DPYSL2: variants seen among roughly 807,000 people sequenced by gnomAD.
The protein encoded by DPYSL2 is dihydropyrimidinase like 2, also known as dihydropyrimidinase-related protein 2.
In DPYSL2, 13 loss-of-function variants were observed where a neutral mutation model predicts 69.9. The observed-to-expected ratio is 0.19, with a 90% CI of 0.12 to 0.30. The LOEUF (loss-of-function observed/expected upper bound fraction) is 0.30, where lower values mean the gene tolerates loss of function less well. Ranked by LOEUF, DPYSL2 falls within the 10% of genes least tolerant of loss-of-function variation. The pLI, the probability that DPYSL2 is intolerant of heterozygous loss-of-function variation, is 1.00. For missense variants in DPYSL2, 587 were observed against 918.9 expected, an observed-to-expected ratio of 0.64 and a Z score of 4.67; for synonymous variants, 326 against 359.1, an observed-to-expected ratio of 0.91 and a Z score of 1.04.
At chr8:26,615,482 T>C (rs1391159674) in intron 3 of DPYSL2, among the ~76,000 whole-genome samples, 2 of 152,074 alleles carry the variant, frequency 1.3e-5, no homozygotes, top group African/African-American at 2.4e-5. Context: ...GGGACTTCAG[T>C]GTCCAGTGGA....
Position 26,643,465 on chromosome 8 carries a change from A to G in DPYSL2, c.1153A>G (p.Thr385Ala), listed in dbSNP as rs747717094. 5 of 1,605,762 alleles carry G rather than the reference A, an allele frequency of 3.1e-6. No homozygotes were observed. Among genetic ancestry groups the G allele is most frequent in the Non-Finnish European group, 3.4e-6 (4 of 1,175,864 alleles). ...AACTGTGGTGTATGGCGAGCCCATC[A>G]CTGCCAGCTTGGGAACGGACGGCTC... is the stretch of plus-strand genomic sequence containing the variant. ...KGTVVYGEPI[T>A]ASLGTDGSHY... is the part of the protein sequence containing the mutation. Residue 385 changes from threonine to alanine, a missense_variant, in exon 9 of 14, where the codon ACT becomes GCT. By Grantham distance (58) the Thr-to-Ala change is moderately conservative (BLOSUM62 0). Coordinates refer to ENST00000521913, the MANE Select transcript of DPYSL2 (RefSeq NM_001197293.3). This position sits in a 1 kb window ranked among gnomAD's most constrained non-coding sequence, Gnocchi z 6.5.
In DPYSL2 at chr8:26,569,364, ACAAAAACAAAAACAAAAAAAAAC is replaced by A. The variant is rs1214379905; in HGVS notation, c.355-12600_355-12578del. On this transcript the variant is annotated intron_variant, in intron 1 of 13. Coordinates refer to ENST00000521913, the MANE Select transcript of DPYSL2 (RefSeq NM_001197293.3). ...GCAAGACCCTATCTCCAAAAAAAAA[ACAAAAACAAAAACAAAAAAAAAC>A]CAAAGAAAAACCCAAAGCCTGGGAT... is the stretch of plus-strand genomic sequence containing the variant. Among the ~76,000 whole-genome samples, 49 of 113,240 alleles carry A rather than the reference ACAAAAACAAAAACAAAAAAAAAC, an allele frequency of 4.3e-4. 2 individuals carry two copies. The highest frequency in any genetic ancestry group is 1.4e-3 in the African/African-American group (47 of 34,688). The allele number at this position is 113,240 out of a possible 152,430, so 74.3% of individuals were successfully genotyped here.
chr8:26,578,157 G>C lies in DPYSL2; in HGVS notation c.355-3812G>C, dbSNP rs887558090. On this transcript the variant is annotated intron_variant, in intron 1 of 13. Coordinates refer to ENST00000521913, the MANE Select transcript of DPYSL2 (RefSeq NM_001197293.3). ...TTGCACCCTTTTCAATCTTGCAAAG[G>C]AAAAAAACAAAACAAAACAAAAAAA... is the stretch of plus-strand genomic sequence containing the variant. 24 of 1,598,838 alleles carry C rather than the reference G, an allele frequency of 1.5e-5. No homozygotes were observed. The African/African-American group carries it at 2.8e-4, about 19-fold the overall frequency.
At position 26,514,720 on chromosome 8, in the gene DPYSL2, C is replaced by G; in HGVS notation, c.354+41C>G. The G allele has an allele frequency of 8.4e-4, 409 of 484,526 alleles. No homozygotes were observed. Among genetic ancestry groups the G allele is most frequent in the Non-Finnish European group, 1.1e-3 (350 of 324,066 alleles). 30.0% of individuals were successfully genotyped at this position (484,526 alleles called of 1,614,324 possible). A position where few individuals can be genotyped will look rare whatever the true frequency, so the allele number is the denominator to read the frequency against. ...GGGGGTGGAGACGGAGGACGGGGCG[C>G]GGGGATCGCCCCTCCCTCGCCCCTG... On this transcript the variant is annotated intron_variant, in intron 1 of 13. Coordinates refer to ENST00000521913, the MANE Select transcript of DPYSL2 (RefSeq NM_001197293.3). The surrounding 1 kb of genome is among the most constrained non-coding windows in gnomAD (Gnocchi z 8.4).
chr8:26,520,455 A>C (rs1426779647), intron 1 of DPYSL2, among the ~76,000 whole-genome samples: 1 of 143,078 alleles, frequency 7.0e-6, no homozygotes, highest in Non-Finnish European at 1.5e-5. Context: ...GTATTCTTGC[A>C]AAAAAGTTCT....
At chr8:26,616,266 A>G (rs1319430122) in intron 3 of DPYSL2, among the ~76,000 whole-genome samples, 1 of 151,856 alleles carries the variant, frequency 6.6e-6, no homozygotes, top group Non-Finnish European at 1.5e-5. Context: ...CCTTTTTTTC[A>G]GAGCAAAACC....
intron 3 of DPYSL2, among the ~76,000 whole-genome samples, chr8:26,613,203 C>G (rs900010898): frequency 1.3e-5 from 2 of 152,206 alleles, no homozygotes; most frequent in African/African-American, 4.8e-5. Context: ...CAAGATACAT[C>G]TGCGACATCA....
Position 26,640,225 on chromosome 8 carries a change from T to G in DPYSL2, c.1127-3214T>G, listed in dbSNP as rs1803010042. 6.6e-6 allele frequency among the ~76,000 whole-genome samples: 1 copy of G among 152,232 alleles called. No individual in the cohort carries two copies. Among genetic ancestry groups the G allele is most frequent in the African/African-American group, 2.4e-5 (1 of 41,460 alleles). Reference sequence around the variant, plus strand: ...CAGCCTTCCATTTATTCTTCATGAATGCACACGGGCCCCAGACTGGTTGTA... The same window carrying G: ...CAGCCTTCCATTTATTCTTCATGAAGGCACACGGGCCCCAGACTGGTTGTA... On this transcript the variant is annotated intron_variant, in intron 8 of 13. Coordinates refer to ENST00000521913, the MANE Select transcript of DPYSL2 (RefSeq NM_001197293.3). This position sits in a 1 kb window ranked among gnomAD's most constrained non-coding sequence, Gnocchi z 4.2.
In DPYSL2 at chr8:26,582,170, A is replaced by C. The variant is rs1162618404; in HGVS notation, c.443+113A>C. 1.0e-5 allele frequency: 8 copies of C among 781,378 alleles called. No homozygotes were observed. The highest frequency in any genetic ancestry group is 1.7e-5 in the African/African-American group (1 of 57,822). The allele number at this position is 781,378 out of a possible 1,614,324, so 48.4% of individuals were successfully genotyped here. On this transcript the variant is annotated intron_variant, in intron 2 of 13. Transcript: ENST00000521913. This position sits in a 1 kb window ranked among gnomAD's most constrained non-coding sequence, Gnocchi z 4.1. ...CTTCAGGAACATCAGAGAGTGACCA[A>C]CTTAGTATCTGTTTTAAACTGGTTT...
intron 10 of DPYSL2, among the ~76,000 whole-genome samples, chr8:26,646,932 G>C (rs1803177423): frequency 6.6e-6 from 1 of 151,660 alleles, no homozygotes; most frequent in African/African-American, 2.4e-5. Context: ...GCAGTGAGCT[G>C]TGATCACTCT....
rs1015038760 is a variant in DPYSL2, at chr8:26,587,847, T to C, written c.628+3864T>C. ...GTCATTTGAGTTCAGGATCTCAGAGTTTCTAGGAAGCAGCTGGGAACAGTT... is the reference window on the plus strand; with the variant it reads ...GTCATTTGAGTTCAGGATCTCAGAGCTTCTAGGAAGCAGCTGGGAACAGTT... On this transcript the variant is annotated intron_variant, in intron 3 of 13. Transcript: ENST00000521913. The surrounding 1 kb of genome is among the most constrained non-coding windows in gnomAD (Gnocchi z 4.2). 6.6e-5 allele frequency among the ~76,000 whole-genome samples: 10 copies of C among 151,736 alleles called. No homozygotes were observed. The highest frequency in any genetic ancestry group is 7.4e-5 in the Non-Finnish European group (5 of 67,940).
At chr8:26,546,692 G>T (rs1800774196) in intron 1 of DPYSL2, among the ~76,000 whole-genome samples, 1 of 151,706 alleles carries the variant, frequency 6.6e-6, no homozygotes, top group Non-Finnish European at 1.5e-5. Flanking sequence ...GGCCGAGACG[G>T]GTGGATCACG....
Position 26,634,653 on chromosome 8 carries a change from C to A in DPYSL2, c.1006-127C>A. On this transcript the variant is annotated intron_variant, in intron 7 of 13. Coordinates refer to ENST00000521913, the MANE Select transcript of DPYSL2 (RefSeq NM_001197293.3). Reference sequence around the variant, plus strand: ...CAAGTCATACTCCTTTGAATTGTCCCCTGGGGTAGGACCTTGGAGACCAGC... The same window carrying A: ...CAAGTCATACTCCTTTGAATTGTCCACTGGGGTAGGACCTTGGAGACCAGC... 2.0e-6 allele frequency: 3 copies of A among 1,514,554 alleles called. No homozygotes were observed. In the South Asian group the frequency reaches 3.7e-5, roughly 19 times the overall value. 93.8% of individuals were successfully genotyped at this position (1,514,554 alleles called of 1,614,324 possible). A position where few individuals can be genotyped will look rare whatever the true frequency, so the allele number is the denominator to read the frequency against.
At chr8:26,538,225 T>C (rs1800627411) in intron 1 of DPYSL2, among the ~76,000 whole-genome samples, 1 of 152,166 alleles carries the variant, frequency 6.6e-6, no homozygotes, top group South Asian at 2.1e-4. Flanking sequence ...GTCAGCAAGA[T>C]GGTGGACTAG....
At position 26,647,357 on chromosome 8, in the gene DPYSL2, CT is replaced by C. The variant is rs1803189228; in HGVS notation, c.1426-271del. 6.6e-6 allele frequency among the ~76,000 whole-genome samples: 1 copy of C among 152,196 alleles called. No individual in the cohort carries two copies. Among genetic ancestry groups the C allele is most frequent in the South Asian group, 2.1e-4 (1 of 4,830 alleles). On this transcript the variant is annotated intron_variant, in intron 10 of 13. Coordinates refer to ENST00000521913, the MANE Select transcript of DPYSL2 (RefSeq NM_001197293.3). This position sits in a 1 kb window ranked among gnomAD's most constrained non-coding sequence, Gnocchi z 5.1. ...AGTCCAGCATTTCAGAGACCAACCT[CT>C]TGCTGCTCCTCCCCTCCACCCTCCC...
chr8:26,545,417 C>T (rs1800750294), intron 1 of DPYSL2, among the ~76,000 whole-genome samples: 1 of 152,108 alleles, frequency 6.6e-6, no homozygotes, highest in Non-Finnish European at 1.5e-5. Context: ...ACCATTGGCT[C>T]AAAGAAGGTA....
chr8:26,545,480 A>T (rs189137859), intron 1 of DPYSL2, among the ~76,000 whole-genome samples: 1 of 152,322 alleles, frequency 6.6e-6, no homozygotes, highest in East Asian at 1.9e-4. Flanking sequence ...TCACGCCTGT[A>T]ATCTCGGCAC....
Position 26,655,794 on chromosome 8 carries a change from T to TG in DPYSL2, c.*88_*89insG. ...TTCTTTCTTCCTTCCTTTTTTTTTTTTTGTTTTTTTTTTTAAGAGCCTGTG... is the reference window on the plus strand; with the variant it reads ...TTCTTTCTTCCTTCCTTTTTTTTTTTGTTGTTTTTTTTTTTAAGAGCCTGTG... On this transcript the variant is annotated 3_prime_UTR_variant, in exon 14 of 14. Coordinates refer to ENST00000521913, the MANE Select transcript of DPYSL2 (RefSeq NM_001197293.3). 7.9e-7 allele frequency: 1 copy of TG among 1,271,762 alleles called. No individual in the cohort carries two copies. Among genetic ancestry groups the TG allele is most frequent in the Non-Finnish European group, 1.1e-6 (1 of 950,560 alleles). The allele number at this position is 1,271,762 out of a possible 1,614,324, so 78.8% of individuals were successfully genotyped here.
intron 7 of DPYSL2, among the ~76,000 whole-genome samples, chr8:26,629,661 G>A (rs1563417523): frequency 2.6e-5 from 4 of 152,246 alleles, no homozygotes; most frequent in African/African-American, 9.6e-5. Flanking sequence ...GACCGTGGCT[G>A]GTGGACAGTG....
Sources: gnomAD v4.1 joint callset for allele counts (sites outside exome capture counted in the v4.1 genomes callset) on GRCh38, gnomAD v4.1.1 for gene constraint, Gnocchi (gnomAD v3.1) non-coding constraint, MANE v1.5 for transcripts, NCBI Gene and HGNC (gene_info 2026-07-23, HGNC 2026-07-21) for gene names.